PRRC2A: variants seen among roughly 807,000 people sequenced by gnomAD.
The protein encoded by PRRC2A is proline rich coiled-coil 2A, also known as protein PRRC2A.
PRRC2A carries 59 observed loss-of-function variants against 224.6 expected under a neutral mutation model. The ratio of observed to expected loss-of-function variants is 0.26; its 90% confidence interval spans 0.21 to 0.33. PRRC2A has a LOEUF of 0.33. PRRC2A is among the 10% of genes least tolerant of loss of function. The probability of loss-of-function intolerance (pLI) is 1.00; values close to 1 mark genes in which losing one functional copy is unlikely to be tolerated. For missense variants in PRRC2A, 3,095 were observed against 2,880.7 expected (o/e 1.07, Z -1.70); for synonymous variants, 1,194 against 1,109.5 (o/e 1.08, Z -1.51).
rs773249336 is a variant in PRRC2A at position 31,629,126 on chromosome 6, G to A, written c.1766-18G>A. 6.2e-7 allele frequency: 1 copy of A among 1,613,638 alleles called. No individual in the cohort carries two copies. ...TATTGTTGGACTAGATCACTCTGTT[G>A]TGTTTTTTCCGATGCAGTGGAACCA... On this transcript the variant is annotated intron_variant, in intron 12 of 30. Coordinates refer to ENST00000376033, the MANE Select transcript of PRRC2A (RefSeq NM_004638.4).
At chr6:31,624,916 A>G (rs1454666749) in intron 5 of PRRC2A, 11 of 538,288 alleles carry the variant, frequency 2.0e-5, no homozygotes, top group Non-Finnish European at 3.3e-5. Context: ...TTCCTGCCTC[A>G]GCCTCCAGAG....
At position 31,629,310 on chromosome 6, in the gene PRRC2A, T is replaced by G. The variant is rs750800095; in HGVS notation, c.1932T>G (p.Pro644=). The change falls in exon 13 of 31, where the codon CCT becomes CCG. Residue 644 remains proline, a synonymous_variant. Coordinates refer to ENST00000376033, the MANE Select transcript of PRRC2A (RefSeq NM_004638.4). ...ACCCCAAATATCAGAAGTCGTTGCC[T>G]CCTCGTTTCCAGCGGCAGCAGCAGG... The part of the protein sequence containing the change: ...LGYPKYQKSL[P]PRFQRQQQEQ... 5 of 1,571,116 alleles carry G rather than the reference T, an allele frequency of 3.2e-6. No individual in the cohort carries two copies. The highest frequency in any genetic ancestry group is 2.3e-5 in the East Asian group (1 of 44,392).
Position 31,627,035 on chromosome 6 carries a change from A to G in PRRC2A, c.1127A>G (p.Lys376Arg), listed in dbSNP as rs1775986371. 6.2e-7 allele frequency: 1 copy of G among 1,614,190 alleles called. No individual in the cohort carries two copies. The highest frequency in any genetic ancestry group is 8.5e-7 in the Non-Finnish European group (1 of 1,180,024). Residue 376 changes from lysine to arginine, a missense_variant, in exon 11 of 31, where the codon AAA becomes AGA. Physicochemically the swap from Lys to Arg is conservative, Grantham distance 26 (BLOSUM62 2). Transcript: ENST00000376033. The surrounding 1 kb of genome is among the most constrained non-coding windows in gnomAD (Gnocchi z 5.6). ...GAACGGCCCCCTGAAGCAGATGGCA[A>G]AAAGGGCAACTCCCCCAACAGCGAA... The part of the protein sequence containing the change: ...GEERPPEADG[K>R]KGNSPNSEPP...
At position 31,629,589 on chromosome 6, in the gene PRRC2A, G is replaced by A; in HGVS notation, c.1998G>A (p.Gln666=). 1.9e-6 allele frequency: 3 copies of A among 1,610,566 alleles called. No individual in the cohort carries two copies. Among genetic ancestry groups the A allele is most frequent in the Non-Finnish European group, 2.5e-6 (3 of 1,177,828 alleles). ...AGCAGCAGCAGCACCAGTGGCAGCA[G>A]CATCAACAGGGCTCTGCCCCTCCTA... The part of the protein sequence containing the change: ...LKQQQQHQWQ[Q]HQQGSAPPTP... The change falls in exon 14 of 31, where the codon CAG becomes CAA. Residue 666 remains glutamine (Q), a synonymous_variant. Transcript: ENST00000376033.
chr6:31,624,779 T>C, intron 5 of PRRC2A: 2 of 580,012 alleles, frequency 3.4e-6, no homozygotes, highest in South Asian at 4.4e-5. Context: ...AACCTGATGG[T>C]CTGGTACCTG....
At position 31,631,008 on chromosome 6, in the gene PRRC2A, G is replaced by A; in HGVS notation, c.2466-131G>A. ...CAGTTCGAGACTAGCCTCGGCAACT[G>A]GATGCCATCTCTGCCAAAACAAACA... is the stretch of plus-strand genomic sequence containing the variant. On this transcript the variant is annotated intron_variant, in intron 15 of 30. Transcript: ENST00000376033. This position sits in a 1 kb window ranked among gnomAD's most constrained non-coding sequence, Gnocchi z 4.5. 8.1e-7 allele frequency: 1 copy of A among 1,227,896 alleles called. No homozygotes were observed. Among genetic ancestry groups the A allele is most frequent in the Non-Finnish European group, 1.1e-6 (1 of 888,024 alleles). 76.1% of individuals were successfully genotyped at this position (1,227,896 alleles called of 1,614,324 possible).
chr6:31,630,756 C>A lies in PRRC2A; in HGVS notation c.2420C>A (p.Thr807Asn), dbSNP rs761692826. 2 of 1,614,196 alleles carry A rather than the reference C, an allele frequency of 1.2e-6. No individual in the cohort carries two copies. The highest frequency in any genetic ancestry group is 1.7e-5 in the Admixed American group (1 of 60,024). The change falls in exon 15 of 31, where the codon ACC (threonine) becomes AAC (asparagine). Residue 807 changes from threonine to asparagine, a missense_variant. By Grantham distance (65) the Thr-to-Asn change is moderately conservative. Transcript: ENST00000376033. ...ACACCCGCTGAACCCCGCCCACTTA[C>A]CTCACCTCTGCGCCAGGCTGCGGAT... ...TATPAEPRPL[T>N]SPLRQAADED... is the part of the protein sequence containing the mutation.
At chr6:31,623,610 A>G in intron 2 of PRRC2A, 122 bp from the exon 3 acceptor site, 2 of 1,136,906 alleles carry the variant, frequency 1.8e-6, no homozygotes, top group Admixed American at 2.5e-5. Context: ...AATCCCTTCT[A>G]AGAGAAGTTT....
At position 31,628,213 on chromosome 6, in the gene PRRC2A, G is replaced by A. The variant is rs1368611162; in HGVS notation, c.1739G>A (p.Ser580Asn). 6.2e-7 allele frequency: 1 copy of A among 1,611,892 alleles called. No homozygotes were observed. The highest frequency in any genetic ancestry group is 2.2e-5 in the East Asian group (1 of 44,868). ...GGTGGTGGCAGTACCAGTAGCACCA[G>A]CAGTGGCAGCTTCGAAGCCAGCCCA... ...VSGGGSTSST[S>N]SGSFEASPVE... The change falls in exon 12 of 31, where the codon AGC becomes AAC. Residue 580 changes from serine (S) to asparagine (N), a missense_variant. Around this residue, in one of 8 missense-constraint regions of PRRC2A, gnomAD observed 2,001 missense variants for 1,764.9 expected, o/e 1.13. Transcript: ENST00000376033.
Position 31,632,214 on chromosome 6 carries a change from G to T in PRRC2A, c.3541G>T (p.Val1181Phe). 1 of 1,609,866 alleles carries T rather than the reference G, an allele frequency of 6.2e-7. No individual in the cohort carries two copies. Among genetic ancestry groups the T allele is most frequent in the Non-Finnish European group, 8.5e-7 (1 of 1,178,822 alleles). The change falls in exon 16 of 31, where the codon GTT becomes TTT. Residue 1181 changes from valine to phenylalanine, a missense_variant. This residue lies in a region of PRRC2A where 2,001 missense variants were observed against 1,764.9 expected (regional missense o/e 1.13). Coordinates refer to ENST00000376033, the MANE Select transcript of PRRC2A (RefSeq NM_004638.4). ...AGGAGGAGGGAGGCCCCCTCCTCAA[G>T]TTTGCCCAGGCTGGAGCCCTCCAGC... ...GRGGGRPPPQVCPGWSPPAKS... is the reference protein window; with the variant it reads ...GRGGGRPPPQFCPGWSPPAKS...
intron 12 of PRRC2A, 80 bp downstream of exon 12, chr6:31,628,319 G>A: frequency 2.7e-6 from 4 of 1,489,120 alleles, no homozygotes; most frequent in Non-Finnish European, 2.7e-6. Flanking sequence ...GTAAGGCTGG[G>A]GATAAATGAA....
In PRRC2A at chr6:31,632,148, C is replaced by G. The variant is rs1474642053; in HGVS notation, c.3475C>G (p.Arg1159Gly). Residue 1159 changes from arginine to glycine, a missense_variant, in exon 16 of 31, where the codon CGA becomes GGA. Coordinates refer to ENST00000376033, the MANE Select transcript of PRRC2A (RefSeq NM_004638.4). ...AGCCCGCTTCACTGCCCGGGGTGGG[C>G]GAGTCTTCACTCCCAGAGGGGTGCC... ...APARFTARGG[R>G]VFTPRGVPSR... 8.3e-6 allele frequency: 13 copies of G among 1,565,718 alleles called. No homozygotes were observed. The highest frequency in any genetic ancestry group is 1.1e-5 in the Non-Finnish European group (13 of 1,156,456).
In PRRC2A at chr6:31,628,009, C is replaced by T. The variant is rs753982472; in HGVS notation, c.1535C>T (p.Pro512Leu). The change falls in exon 12 of 31, where the codon CCT (proline) becomes CTT (leucine). Residue 512 changes from proline to leucine, a missense_variant. By Grantham distance (98) the Pro-to-Leu change is moderately conservative (BLOSUM62 -3). Around this residue, in one of 8 missense-constraint regions of PRRC2A, gnomAD observed 2,001 missense variants for 1,764.9 expected, o/e 1.13. Transcript: ENST00000376033. The part of the protein sequence containing the change: ...KRLKAEPAAP[P>L]AAPSTPAPPP... ...CTCAAAGCAGAGCCTGCTGCCCCAC[C>T]TGCTGCCCCTTCTACCCCAGCTCCA... 6.2e-7 allele frequency: 1 copy of T among 1,607,000 alleles called. No homozygotes were observed. Among genetic ancestry groups the T allele is most frequent in the Admixed American group, 1.7e-5 (1 of 59,582 alleles).
At position 31,632,475 on chromosome 6, in the gene PRRC2A, G is replaced by A. The variant is rs750881036; in HGVS notation, c.3802G>A (p.Ala1268Thr). ...GCTGAAGCAGGAACGGGAGAATGCC[G>A]CAAGGGGGTCTGAGGGCAAGCCCTC... Reference protein sequence around the residue: ...RRLKQERENAARGSEGKPSLT... With the variant: ...RRLKQERENATRGSEGKPSLT... The change falls in exon 16 of 31, where the codon GCA becomes ACA. Residue 1268 changes from alanine (A) to threonine (T), a missense_variant. Coordinates refer to ENST00000376033, the MANE Select transcript of PRRC2A (RefSeq NM_004638.4). The A allele has an allele frequency of 1.5e-5, 24 of 1,606,862 alleles. No homozygotes were observed. The Admixed American group carries it at 2.3e-4, about 16-fold the overall frequency.
chr6:31,635,201 G>C lies in PRRC2A; in HGVS notation c.5230G>C (p.Gly1744Arg). Reference protein sequence around the residue: ...GTERSQRTDRGTEPGPIRPSH... With the variant: ...GTERSQRTDRRTEPGPIRPSH... Reference sequence around the variant, plus strand: ...AGAACGATCACAGCGTACAGACCGAGGCACAGAGCCTGGCCCCATTCGGCC... The same window carrying C: ...AGAACGATCACAGCGTACAGACCGACGCACAGAGCCTGGCCCCATTCGGCC... Residue 1744 changes from glycine to arginine, a missense_variant, in exon 22 of 31, where the codon GGC (glycine) becomes CGC (arginine). Coordinates refer to ENST00000376033, the MANE Select transcript of PRRC2A (RefSeq NM_004638.4). The C allele has an allele frequency of 6.2e-7, 1 of 1,612,880 alleles. No individual in the cohort carries two copies. The highest frequency in any genetic ancestry group is 1.3e-5 in the African/African-American group (1 of 75,004).
rs1775585405 is a variant in PRRC2A at position 31,623,785 on chromosome 6, A to G, written c.166A>G (p.Met56Val). The G allele has an allele frequency of 6.2e-7, 1 of 1,614,106 alleles. No individual in the cohort carries two copies. Among genetic ancestry groups the G allele is most frequent in the Non-Finnish European group, 8.5e-7 (1 of 1,180,036 alleles). The change falls in exon 3 of 31, where the codon ATG becomes GTG. Residue 56 changes from methionine (M) to valine (V), a missense_variant. Physicochemically the swap from Met to Val is conservative, Grantham distance 21. Coordinates refer to ENST00000376033, the MANE Select transcript of PRRC2A (RefSeq NM_004638.4). ...CGGGAAAGTTGCCATTGCCCGGCGT[A>G]TGCCACCTCCAGCCAACCTTCCAAG... ...SLGKVAIARR[M>V]PPPANLPSLK...
Position 31,629,948 on chromosome 6 carries a change from C to G in PRRC2A, c.2254+103C>G. On this transcript the variant is annotated intron_variant, in intron 14 of 30. Transcript: ENST00000376033. ...CTCTGGTACGATAGGTTTTGCCCAT[C>G]ATAGTGATGAGGGAAGGGCATATGC... is the stretch of plus-strand genomic sequence containing the variant. 15 of 1,528,038 alleles carry G rather than the reference C, an allele frequency of 9.8e-6. No homozygotes were observed. In the South Asian group the frequency reaches 1.8e-4, roughly 18 times the overall value. 94.7% of individuals were successfully genotyped at this position (1,528,038 alleles called of 1,614,324 possible).
In PRRC2A at chr6:31,633,972, C is replaced by T; in HGVS notation, c.4702C>T (p.Pro1568Ser). The T allele has an allele frequency of 6.2e-7, 1 of 1,604,562 alleles. No individual in the cohort carries two copies. Among genetic ancestry groups the T allele is most frequent in the Non-Finnish European group, 8.5e-7 (1 of 1,177,812 alleles). Reference protein sequence around the residue: ...PKRRERPPRKPELLQEESLPP... With the variant: ...PKRRERPPRKSELLQEESLPP... Reference sequence around the variant, plus strand: ...ACGTCGGGAGCGGCCTCCCAGAAAACCAGAGCTGCTACAGGAGGTAAGGGA... The same window carrying T: ...ACGTCGGGAGCGGCCTCCCAGAAAATCAGAGCTGCTACAGGAGGTAAGGGA... The change falls in exon 18 of 31, where the codon CCA becomes TCA. Residue 1568 changes from proline (P) to serine (S), a missense_variant. This residue lies in a region of PRRC2A where 2,001 missense variants were observed against 1,764.9 expected (regional missense o/e 1.13). Transcript: ENST00000376033.
Position 31,627,996 on chromosome 6 carries a change from C to A in PRRC2A, c.1522C>A (p.Pro508Thr). Reference protein sequence around the residue: ...GAPDKRLKAEPAAPPAAPSTP... With the variant: ...GAPDKRLKAETAAPPAAPSTP... ...ACCTGACAAGCGGCTCAAAGCAGAG[C>A]CTGCTGCCCCACCTGCTGCCCCTTC... The change falls in exon 12 of 31, where the codon CCT becomes ACT. Residue 508 changes from proline (P) to threonine (T), a missense_variant. This residue lies in a region of PRRC2A where 2,001 missense variants were observed against 1,764.9 expected (regional missense o/e 1.13). Transcript: ENST00000376033. The surrounding 1 kb of genome is among the most constrained non-coding windows in gnomAD (Gnocchi z 5.6). The A allele has an allele frequency of 8.2e-7, 1 of 1,216,512 alleles. No homozygotes were observed. Among genetic ancestry groups the A allele is most frequent in the Non-Finnish European group, 1.1e-6 (1 of 898,062 alleles). The allele number at this position is 1,216,512 out of a possible 1,614,324, so 75.4% of individuals were successfully genotyped here. A position where few individuals can be genotyped will look rare whatever the true frequency, so the allele number is the denominator to read the frequency against.
Sources: gnomAD v4.1 joint callset for allele counts on GRCh38, gnomAD v4.1.1 for gene constraint, gnomAD v4.1.1 regional missense constraint, Gnocchi (gnomAD v3.1) non-coding constraint, MANE v1.5 for transcripts, NCBI Gene and HGNC (gene_info 2026-07-23, HGNC 2026-07-21) for gene names.